The following CD99 variants were observed in gnomAD, a reference collection of about 807,000 sequenced individuals.
CD99 encodes CD99 antigen.
A neutral mutation model predicts 28.4 loss-of-function variants in CD99; 19 were observed. That is an observed-to-expected ratio of 0.67 (90% CI 0.47 to 0.98). The LOEUF is 0.98. CD99 is among the 50% of genes least tolerant of loss of function. The pLI, the probability that CD99 is intolerant of heterozygous loss-of-function variation, is 0.00. For missense variants in CD99, 283 were observed against 248.8 expected (o/e 1.14, Z -0.92); for synonymous variants, 103 against 92.1 (o/e 1.12, Z -0.67).
intron 8 of CD99, among the ~76,000 whole-genome samples, chrX:2,734,263 ATTTG>A (rs1190843208): frequency 8.5e-6 from 1 of 117,780 alleles, no homozygotes; most frequent in Non-Finnish European, 1.9e-5. Flanking sequence ...TACTTTTCTT[ATTTG>A]TTATATGTTA....
intron 1 of CD99, 34 bp downstream of exon 1, chrX:2,691,461 C>T (rs1262991942): frequency 1.3e-6 from 2 of 1,561,972 alleles, no homozygotes; most frequent in Middle Eastern, 2.3e-4. Context: ...TTGGGGGACG[C>T]GGAGGGCGCG....
chrX:2,694,298 T>C (rs2047471471), intron 1 of CD99, among the ~76,000 whole-genome samples: 1 of 149,662 alleles, frequency 6.7e-6, no homozygotes, highest in Admixed American at 6.6e-5. Context: ...TTTTTTTAAC[T>C]CTCTCCAGAG....
chrX:2,695,377 G>A (rs1410970633), intron 1 of CD99, among the ~76,000 whole-genome samples: 2 of 151,672 alleles, frequency 1.3e-5, no homozygotes, highest in Non-Finnish European at 2.9e-5. Flanking sequence ...GCTAATTTTT[G>A]TATGTTTAGT....
At chrX:2,695,438 T>A (rs1013377293) in intron 1 of CD99, among the ~76,000 whole-genome samples, 51 of 151,762 alleles carry the variant, frequency 3.4e-4, no homozygotes, top group Admixed American at 1.6e-3. Context: ...TTTTTTGAGG[T>A]GGGGTCTCTG....
At chrX:2,714,636 A>G in intron 2 of CD99, 182 bp downstream of exon 2, 1 of 515,958 alleles carries the variant, frequency 1.9e-6, no homozygotes, top group Middle Eastern at 3.4e-4. Context: ...TCTATTAAGT[A>G]TGCAATAGCA....
chrX:2,717,363 A>AAG, intron 2 of CD99: 2 of 491,278 alleles, frequency 4.1e-6, no homozygotes, highest in Non-Finnish European at 7.3e-6. Flanking sequence ...AAAAAAAAAA[A>AAG]GAAGTGGAGA....
chrX:2,740,118 G>A (rs939050433), intron 9 of CD99, among the ~76,000 whole-genome samples: 19 of 150,948 alleles, frequency 1.3e-4, no homozygotes, highest in Admixed American at 2.0e-4. Flanking sequence ...AATAATAAAA[G>A]AAAGTTAGTG....
chrX:2,724,976 A>G (rs1410517366), intron 7 of CD99, among the ~76,000 whole-genome samples: 1 of 149,202 alleles, frequency 6.7e-6, no homozygotes, highest in Non-Finnish European at 1.5e-5. Flanking sequence ...GCAGGAGAAT[A>G]GCTTGAACCC....
Position 2,691,476 on chromosome X carries a change from G to T in CD99, c.67+49G>T, listed in dbSNP as rs776571373. 4 of 1,539,292 alleles carry T rather than the reference G, an allele frequency of 2.6e-6. No homozygotes were observed. The South Asian group carries it at 4.7e-5, about 18-fold the overall frequency. On this transcript the variant is annotated intron_variant, in intron 1 of 9. Transcript: ENST00000381192. ...TTGGGGGACGCGGAGGGCGCGGGCC[G>T]GGACTGGGGATCCGCTTGAGATGCG...
intron 3 of CD99, among the ~76,000 whole-genome samples, chrX:2,718,909 C>A (rs1476017124): frequency 6.6e-6 from 1 of 152,100 alleles, no homozygotes; most frequent in African/African-American, 2.4e-5. Flanking sequence ...GCAAAGGGAC[C>A]CTGTGTCCCC....
At chrX:2,714,632 A>G in intron 2 of CD99, 178 bp downstream of exon 2, 1 of 541,594 alleles carries the variant, frequency 1.8e-6, no homozygotes, top group Non-Finnish European at 3.4e-6. Context: ...GTAGTCTATT[A>G]AGTATGCAAT....
At chrX:2,707,539 A>G (rs2048181637) in intron 1 of CD99, among the ~76,000 whole-genome samples, 1 of 152,000 alleles carries the variant, frequency 6.6e-6, no homozygotes, top group Admixed American at 6.6e-5. Flanking sequence ...AAAAGTAAAC[A>G]TGGTTTGAAT....
At chrX:2,691,913 G>T in intron 1 of CD99, 1 of 779,274 alleles carries the variant, frequency 1.3e-6, no homozygotes. Flanking sequence ...GTGGTGGGGG[G>T]AAGGGAAGGA....
chrX:2,711,354 G>C (rs1273239153), intron 1 of CD99, among the ~76,000 whole-genome samples: 1 of 148,480 alleles, frequency 6.7e-6, no homozygotes, highest in East Asian at 1.9e-4. Flanking sequence ...TGTATACATA[G>C]TATGTGTATA....
intron 1 of CD99, among the ~76,000 whole-genome samples, chrX:2,711,409 GTATTA>G (rs995310663): frequency 1.6e-5 from 2 of 124,954 alleles, no homozygotes; most frequent in African/African-American, 7.3e-5. Flanking sequence ...GTATGTGTGT[GTATTA>G]TATATATATA....
At chrX:2,724,875 GTGACAAA>G (rs2049190034) in intron 7 of CD99, among the ~76,000 whole-genome samples, 1 of 148,186 alleles carries the variant, frequency 6.7e-6, no homozygotes, top group African/African-American at 2.5e-5. Context: ...TCCAGCCTGG[GTGACAAA>G]GTAAGACTGC....
intron 8 of CD99, among the ~76,000 whole-genome samples, chrX:2,728,247 C>T (rs2049401064): frequency 6.7e-6 from 1 of 148,226 alleles, no homozygotes. Context: ...CTCTGTCACC[C>T]AGGCTGGAAT....
Position 2,697,119 on chromosome X carries a change from C to T in CD99, c.67+5692C>T, listed in dbSNP as rs756560510. ...TACATGGAAAGCCTTGCTAAAGAAG[C>T]CGCATGGGCAAAGCTTTTGTTCCGC... On this transcript the variant is annotated intron_variant, in intron 1 of 9. Coordinates refer to ENST00000381192, the MANE Select transcript of CD99 (RefSeq NM_002414.5). Among the ~76,000 whole-genome samples the T allele has an allele frequency of 5.9e-5, 9 of 152,146 alleles. No individual in the cohort carries two copies. The South Asian group carries it at 1.9e-3, about 32-fold the overall frequency.
At chrX:2,725,454 A>G (rs1247398601) in intron 7 of CD99, among the ~76,000 whole-genome samples, 1 of 152,236 alleles carries the variant, frequency 6.6e-6, no homozygotes, top group East Asian at 1.9e-4. Context: ...AAATGTCTGC[A>G]TTGAAACCCA....
Sources: allele counts gnomAD v4.1 joint callset (sites outside exome capture counted in the v4.1 genomes callset), GRCh38; gene constraint gnomAD v4.1.1; transcripts MANE v1.5; gene names NCBI Gene and HGNC (gene_info 2026-07-23, HGNC 2026-07-21).